Variants in PRELID2 observed in about 807,000 individuals in gnomAD.
PRELID2 encodes PRELI domain containing 2.
A neutral mutation model predicts 28.4 loss-of-function variants in PRELID2; 25 were observed. The ratio of observed to expected loss-of-function variants is 0.88; its 90% CI spans 0.64 to 1.23. The LOEUF is 1.23. PRELID2 is among the 50% of genes most tolerant of loss of function. The pLI is 0.00. For missense variants in PRELID2, 201 were observed against 214.4 expected, an observed-to-expected ratio of 0.94 and a Z score of 0.39; for synonymous variants, 76 against 71.6, an observed-to-expected ratio of 1.06 and a Z score of -0.31.
intron 1 of PRELID2, among the ~76,000 whole-genome samples, chr5:145,550,588 T>C (rs1752825532): frequency 6.6e-6 from 1 of 152,094 alleles, no homozygotes; most frequent in African/African-American, 2.4e-5. Flanking sequence ...ATAGTAATAA[T>C]AATTTTTAAA....
intron 5 of PRELID2, among the ~76,000 whole-genome samples, chr5:145,772,177 T>C (rs544163263): frequency 1.3e-5 from 2 of 152,146 alleles, no homozygotes; most frequent in South Asian, 2.1e-4. Context: ...AATCACTTAT[T>C]TTACCCTCCC....
At chr5:145,710,732 C>T (rs1307849505) in intron 1 of PRELID2, among the ~76,000 whole-genome samples, 1 of 152,208 alleles carries the variant, frequency 6.6e-6, no homozygotes, top group African/African-American at 2.4e-5. Flanking sequence ...GTCGCTGAGG[C>T]TCACGCCATT....
chr5:145,809,884 G>A (rs920694315), intron 4 of PRELID2, among the ~76,000 whole-genome samples: 14 of 152,190 alleles, frequency 9.2e-5, no homozygotes, highest in African/African-American at 3.1e-4. Context: ...TGCAGTACTC[G>A]GATAAAGCAA....
At position 145,671,560 on chromosome 5, in the gene PRELID2, T is replaced by C. The variant is rs150183696; in HGVS notation, n.70+93371A>G. Among the ~76,000 whole-genome samples the C allele has an allele frequency of 2.0e-5, 3 of 152,328 alleles. No homozygotes were observed. In the East Asian group the frequency reaches 5.8e-4, roughly 29 times the overall value. On this transcript the variant is annotated intron_variant and non_coding_transcript_variant, in intron 1 of 2. Transcript: ENST00000510259. ...TGTCTTCTCTGTCACTTTAGCTGTA[T>C]GTTAAAAGAAAAGGCAAGAAGAATG... is the stretch of plus-strand genomic sequence containing the variant.
intron 1 of PRELID2, among the ~76,000 whole-genome samples, chr5:145,707,508 T>G (rs2149707462): frequency 6.6e-6 from 1 of 152,298 alleles, no homozygotes; most frequent in East Asian, 1.9e-4. Flanking sequence ...TTAAAAAATC[T>G]CCGCTAAGTT....
At chr5:145,512,602 C>A (rs553046726) in intron 1 of PRELID2, among the ~76,000 whole-genome samples, 30 of 152,308 alleles carry the variant, frequency 2.0e-4, no homozygotes, top group African/African-American at 7.2e-4. Context: ...CTGAAGAGAG[C>A]AGCGGATGTC....
chr5:145,494,384 G>T (rs570858496), intron 1 of PRELID2, among the ~76,000 whole-genome samples: 2 of 152,132 alleles, frequency 1.3e-5, no homozygotes, highest in African/African-American at 4.8e-5. Flanking sequence ...AATATTTTCC[G>T]TATGTTGGAC....
intron 1 of PRELID2, among the ~76,000 whole-genome samples, chr5:145,637,212 G>T (rs776487056): frequency 5.1e-4 from 77 of 152,218 alleles, no homozygotes; most frequent in Non-Finnish European, 9.6e-4. Context: ...CGTTTATTGG[G>T]CACTGCATAA....
chr5:145,743,449 G>A (rs13158196), intron 1 of PRELID2, among the ~76,000 whole-genome samples: 124,468 of 148,556 alleles, frequency 0.84, 52,460 homozygotes, highest in East Asian at 0.96. Flanking sequence ...AAGAGAAAAG[G>A]AAACAACCAT....
intron 1 of PRELID2, among the ~76,000 whole-genome samples, chr5:145,490,847 A>G (rs1024977630): frequency 9.2e-5 from 14 of 152,150 alleles, no homozygotes; most frequent in African/African-American, 3.4e-4. Flanking sequence ...GACTAACTAA[A>G]GCTGAATAGA....
At chr5:145,380,992 T>C in the PRELID2 span, among the ~76,000 whole-genome samples, 8 of 152,174 alleles carry the variant, frequency 5.3e-5, no homozygotes, top group Non-Finnish European at 1.0e-4. Context: ...AAATAGGTGT[T>C]AAATGTTTAA....
intron 1 of PRELID2, among the ~76,000 whole-genome samples, chr5:145,596,444 A>T: frequency 6.6e-6 from 1 of 152,194 alleles, no homozygotes. Context: ...TAGACGAAAA[A>T]TCAGCCAAAA....
At chr5:145,357,124 G>A in the PRELID2 span, among the ~76,000 whole-genome samples, 1 of 152,110 alleles carries the variant, frequency 6.6e-6, no homozygotes, top group Non-Finnish European at 1.5e-5. Context: ...ACCTGATGGG[G>A]TTCCCTTTGT....
At chr5:145,696,488 A>G (rs1280891525) in intron 1 of PRELID2, among the ~76,000 whole-genome samples, 1 of 152,074 alleles carries the variant, frequency 6.6e-6, no homozygotes, top group Non-Finnish European at 1.5e-5. Context: ...TCTTTTTGAG[A>G]TAGGGTCTCA....
chr5:145,330,134 T>C, the PRELID2 span, among the ~76,000 whole-genome samples: 1,774 of 152,310 alleles, frequency 0.012, 33 homozygotes, highest in African/African-American at 0.04. Context: ...AAGTTGATCA[T>C]GGTGGATAAG....
At chr5:145,532,542 T>A (rs1580969902) in intron 1 of PRELID2, among the ~76,000 whole-genome samples, 1 of 152,096 alleles carries the variant, frequency 6.6e-6, no homozygotes, top group African/African-American at 2.4e-5. Context: ...GTGACCTTGT[T>A]GTACAATAGA....
the PRELID2 span, among the ~76,000 whole-genome samples, chr5:145,432,260 G>C: frequency 2.0e-5 from 3 of 151,810 alleles, no homozygotes; most frequent in African/African-American, 7.2e-5. Context: ...ATTGACAATT[G>C]ACCTTCCTTT....
chr5:145,587,984 T>C (rs986210899), intron 1 of PRELID2, among the ~76,000 whole-genome samples: 2 of 152,192 alleles, frequency 1.3e-5, no homozygotes, highest in Non-Finnish European at 2.9e-5. Flanking sequence ...AATTTCTTAA[T>C]TGATCATTTT....
chr5:145,798,937 G>A (rs1561622177), intron 4 of PRELID2, among the ~76,000 whole-genome samples: 1 of 151,928 alleles, frequency 6.6e-6, no homozygotes, highest in Non-Finnish European at 1.5e-5. Flanking sequence ...ATGAGTTGAT[G>A]GGTGCAGCAA....
Sources: allele counts gnomAD v4.1 joint callset (sites outside exome capture counted in the v4.1 genomes callset), GRCh38; gene constraint gnomAD v4.1.1; transcripts MANE v1.5; gene names NCBI Gene and HGNC (gene_info 2026-07-23, HGNC 2026-07-21).